PEBP4: variants seen among roughly 807,000 people sequenced by gnomAD.
PEBP4 encodes the protein phosphatidylethanolamine binding protein 4, also known as phosphatidylethanolamine-binding protein 4.
Under a neutral mutation model 23.9 loss-of-function variants are expected in PEBP4, and 22 were observed. The observed-to-expected ratio is 0.92, with a 90% CI of 0.66 to 1.31. The LOEUF (loss-of-function observed/expected upper bound fraction) is 1.31. Ranked by LOEUF, PEBP4 falls within the 40% of genes most tolerant of loss-of-function variation. The pLI is 0.00. For missense variants in PEBP4, 324 were observed against 281.7 expected (o/e 1.15, Z -1.07); for synonymous variants, 112 against 99.3 (o/e 1.13, Z -0.76).
chr8:22,840,376 T>C lies in PEBP4; in HGVS notation c.259-22641A>G, dbSNP rs113412401. Among the ~76,000 whole-genome samples the C allele has an allele frequency of 8.0e-3, 1,219 of 152,018 alleles. 18 individuals carry two copies. Among genetic ancestry groups the C allele is most frequent in the African/African-American group, 0.028 (1,145 of 41,486 alleles). On this transcript the variant is annotated intron_variant, in intron 3 of 6. Transcript: ENST00000256404. Reference sequence around the variant, plus strand: ...GTGTCCCAAAAGAACATGGTTCTTTTCTTTTCTTAAAAAAATTTTTTCTTC... The same window carrying C: ...GTGTCCCAAAAGAACATGGTTCTTTCCTTTTCTTAAAAAAATTTTTTCTTC...
intron 3 of PEBP4, among the ~76,000 whole-genome samples, chr8:22,827,711 G>A (rs1416574195): frequency 2.0e-5 from 3 of 152,194 alleles, no homozygotes; most frequent in Non-Finnish European, 4.4e-5. Context: ...GTAAGTCTCT[G>A]TGCAAACACT....
intron 3 of PEBP4, chr8:22,886,737 C>T (rs1448800931): frequency 6.6e-6 from 1 of 152,530 alleles, no homozygotes; most frequent in Non-Finnish European, 1.5e-5. Context: ...GGGACAGTGA[C>T]AGGGACCTGA....
chr8:22,827,104 T>C (rs1338077132), intron 3 of PEBP4, among the ~76,000 whole-genome samples: 1 of 152,134 alleles, frequency 6.6e-6, no homozygotes, highest in Non-Finnish European at 1.5e-5. Flanking sequence ...CTGGGTGCTA[T>C]GGAGCAGGGC....
At chr8:22,752,188 C>T (rs1347328039) in intron 4 of PEBP4, among the ~76,000 whole-genome samples, 3 of 152,194 alleles carry the variant, frequency 2.0e-5, no homozygotes, top group African/African-American at 7.2e-5. Flanking sequence ...GGATCACAGG[C>T]GTGAGCCACC....
chr8:22,765,021 C>T (rs1805578599), intron 4 of PEBP4, among the ~76,000 whole-genome samples: 1 of 152,132 alleles, frequency 6.6e-6, no homozygotes. Context: ...AATCGCGGTT[C>T]TGCCAGATAC....
At chr8:22,863,636 G>A (rs1483215018) in intron 3 of PEBP4, among the ~76,000 whole-genome samples, 1 of 152,144 alleles carries the variant, frequency 6.6e-6, no homozygotes, top group African/African-American at 2.4e-5. Context: ...GCTCTGATCT[G>A]TTCAACGCAC....
At chr8:22,878,532 C>CCTATTG (rs1471834427) in intron 3 of PEBP4, among the ~76,000 whole-genome samples, 1 of 152,168 alleles carries the variant, frequency 6.6e-6, no homozygotes, top group African/African-American at 2.4e-5. Context: ...TGTGAGTTAC[C>CCTATTG]CTATTGCTCA....
At chr8:22,920,661 G>C (rs1046369889) in intron 2 of PEBP4, among the ~76,000 whole-genome samples, 2 of 152,188 alleles carry the variant, frequency 1.3e-5, no homozygotes, top group Non-Finnish European at 2.9e-5. Context: ...GGCAAACTTA[G>C]TGTCTTTAAA....
intron 3 of PEBP4, chr8:22,879,450 A>G (rs1808197618): frequency 6.6e-6 from 1 of 152,220 alleles, no homozygotes; most frequent in African/African-American, 2.4e-5. Flanking sequence ...GGGAGAGAAG[A>G]ACACCTCTCA....
chr8:22,856,864 A>G (rs1483463285), intron 3 of PEBP4, among the ~76,000 whole-genome samples: 1 of 152,108 alleles, frequency 6.6e-6, no homozygotes. Flanking sequence ...CCTGACACCA[A>G]ATTATTTATA....
intron 4 of PEBP4, among the ~76,000 whole-genome samples, chr8:22,739,769 CT>C (rs1804950292): frequency 6.6e-6 from 1 of 152,188 alleles, no homozygotes; most frequent in African/African-American, 2.4e-5. Context: ...CCCTCAGCCC[CT>C]GACCCTGACC....
intron 4 of PEBP4, among the ~76,000 whole-genome samples, chr8:22,791,091 C>G (rs1189768924): frequency 6.6e-6 from 1 of 152,154 alleles, no homozygotes; most frequent in African/African-American, 2.4e-5. Context: ...GTTGCTGCAC[C>G]ATTGCCCTAA....
intron 3 of PEBP4, among the ~76,000 whole-genome samples, chr8:22,821,180 C>A (rs1806849941): frequency 6.6e-6 from 1 of 152,120 alleles, no homozygotes; most frequent in Non-Finnish European, 1.5e-5. Context: ...GAGTGAGACC[C>A]TGTCTCAACA....
intron 4 of PEBP4, among the ~76,000 whole-genome samples, chr8:22,743,595 T>C (rs1248210389): frequency 6.6e-6 from 1 of 152,130 alleles, no homozygotes; most frequent in East Asian, 1.9e-4. Flanking sequence ...CTTTTCCTCC[T>C]CCATCCCTTA....
At chr8:22,750,574 T>C (rs1484774565) in intron 4 of PEBP4, among the ~76,000 whole-genome samples, 1 of 152,220 alleles carries the variant, frequency 6.6e-6, no homozygotes, top group African/African-American at 2.4e-5. Flanking sequence ...ATCTGCCCGT[T>C]GGGGTAACTC....
At chr8:22,886,914 G>A (rs1472882478) in intron 3 of PEBP4, 1 of 152,410 alleles carries the variant, frequency 6.6e-6, no homozygotes, top group East Asian at 1.9e-4. Flanking sequence ...GAGGCCCAGG[G>A]ATCACCCCAG....
At chr8:22,787,616 C>T (rs191989531) in intron 4 of PEBP4, among the ~76,000 whole-genome samples, 75 of 152,350 alleles carry the variant, frequency 4.9e-4, no homozygotes, top group Middle Eastern at 3.4e-3. Context: ...CCACTGCTTA[C>T]GCAGTCAACA....
rs566836978 is a variant in PEBP4 at position 22,735,332 on chromosome 8, G to C, written c.358-8112C>G. On this transcript the variant is annotated intron_variant, in intron 4 of 6. Coordinates refer to ENST00000256404, the MANE Select transcript of PEBP4 (RefSeq NM_144962.3). ...GTTATTGAAAGGAGGCTAGATATGG[G>C]GCCTTGAAGGATATATAGGAGTTTT... 2.6e-5 allele frequency among the ~76,000 whole-genome samples: 4 copies of C among 152,256 alleles called. No individual in the cohort carries two copies. The East Asian group carries it at 7.7e-4, about 29-fold the overall frequency.
At chr8:22,798,074 G>A (rs1563219566) in intron 4 of PEBP4, among the ~76,000 whole-genome samples, 1 of 152,196 alleles carries the variant, frequency 6.6e-6, no homozygotes, top group Non-Finnish European at 1.5e-5. Context: ...GCCAGAGAAG[G>A]AGAGAGGGTT....
Sources: allele counts gnomAD v4.1 joint callset (sites outside exome capture counted in the v4.1 genomes callset), GRCh38; gene constraint gnomAD v4.1.1; transcripts MANE v1.5; gene names NCBI Gene and HGNC (gene_info 2026-07-23, HGNC 2026-07-21).